Variants in KMT2D observed in about 807,000 individuals in gnomAD.
KMT2D encodes the protein histone-lysine N-methyltransferase 2D.
Under a neutral mutation model 512.7 loss-of-function variants are expected in KMT2D, and 55 were observed. That is an observed-to-expected ratio of 0.11 (90% CI 0.09 to 0.13). The LOEUF (loss-of-function observed/expected upper bound fraction) is 0.13, where lower values mean the gene tolerates loss of function less well. Among genes scored for constraint, KMT2D ranks in the 10% least tolerant of loss-of-function variants. The pLI is 1.00. For missense variants in KMT2D, 6,061 were observed against 7,127.9 expected (o/e 0.85, Z 5.39); for synonymous variants, 2,995 against 2,904.0 (o/e 1.03, Z -1.01).
Position 49,034,755 on chromosome 12 carries a change from A to G in KMT2D, c.10355+57T>C, listed in dbSNP as rs1240372696. ...GTGGGACAAGTAGGGAGGGGAGCCA[A>G]GAAGGGGTGTGACTGGGAAAGAAAA... On this transcript the variant is annotated intron_variant, in intron 36 of 54. Coordinates refer to ENST00000301067, the MANE Select transcript of KMT2D (RefSeq NM_003482.4). 3 of 1,607,426 alleles carry G rather than the reference A, an allele frequency of 1.9e-6. No homozygotes were observed. In the East Asian group the frequency reaches 6.7e-5, roughly 36 times the overall value.
rs779582329 is a variant in KMT2D at position 49,045,006 on chromosome 12, C to T, written c.4742-41G>A. 1.2e-5 allele frequency: 18 copies of T among 1,555,716 alleles called. No individual in the cohort carries two copies. The Admixed American group carries it at 2.9e-4, about 25-fold the overall frequency. ...GAGTATGTGATCCCTGGATGGAAGC[C>T]CCAGGGAAACCAGAACTGCAAGTTT... On this transcript the variant is annotated intron_variant, in intron 19 of 54. Transcript: ENST00000301067.
chr12:49,039,125 G>A lies in KMT2D; in HGVS notation c.8366+97C>T. 3 of 1,551,778 alleles carry A rather than the reference G, an allele frequency of 1.9e-6. No homozygotes were observed. The highest frequency in any genetic ancestry group is 8.8e-7 in the Non-Finnish European group (1 of 1,130,228). ...TGAGGAAGAAGAGAAAGTGATACTG[G>A]AAAAGGATTAGTGATACAGGAAAAT... On this transcript the variant is annotated intron_variant, in intron 34 of 54. Transcript: ENST00000301067. This position sits in a 1 kb window ranked among gnomAD's most constrained non-coding sequence, Gnocchi z 5.0.
Position 49,024,727 on chromosome 12 carries a change from C to G in KMT2D, c.15922-19G>C. Reference sequence around the variant, plus strand: ...CGGGCAGCTGTGGGCACAGTTCATACTCACCTTAGCCTGAGTTTTTTTGGG... The same window carrying G: ...CGGGCAGCTGTGGGCACAGTTCATAGTCACCTTAGCCTGAGTTTTTTTGGG... On this transcript the variant is annotated intron_variant, in intron 50 of 54. Transcript: ENST00000301067. This position sits in a 1 kb window ranked among gnomAD's most constrained non-coding sequence, Gnocchi z 4.5. 1 of 1,612,258 alleles carries G rather than the reference C, an allele frequency of 6.2e-7. No homozygotes were observed. The highest frequency in any genetic ancestry group is 8.5e-7 in the Non-Finnish European group (1 of 1,178,734).
chr12:49,043,544 AG>A (rs1243602617), intron 24 of KMT2D, 90 bp downstream of exon 24: 3 of 1,592,640 alleles, frequency 1.9e-6, no homozygotes, highest in Non-Finnish European at 2.6e-6. Flanking sequence ...TGACTCCTGG[AG>A]GCCAGTCCAT....
In KMT2D at chr12:49,053,648, G is replaced by C. The variant is rs1251026434; in HGVS notation, c.674-7C>G. On this transcript the variant is annotated splice_polypyrimidine_tract_variant and splice_region_variant and intron_variant, in intron 6 of 54. Transcript: ENST00000301067. ...ACTGCACAGCGAGCCTCCTCTGCAG[G>C]GGGTAGAGACACCACAGGTCAGCTA... 6.3e-6 allele frequency: 10 copies of C among 1,588,178 alleles called. No individual in the cohort carries two copies. Among genetic ancestry groups the C allele is most frequent in the Admixed American group, 5.3e-5 (3 of 56,084 alleles).
At chr12:49,027,724 G>A in intron 48 of KMT2D, 79 bp downstream of exon 48, 1 of 1,520,110 alleles carries the variant, frequency 6.6e-7, no homozygotes, top group Non-Finnish European at 8.9e-7. Flanking sequence ...AAAGCACTGG[G>A]ATTACAGATG....
rs2120588820 is a variant in KMT2D at position 49,044,866 on chromosome 12, C to G, written c.4841G>C (p.Arg1614Pro). 1 of 1,614,054 alleles carries G rather than the reference C, an allele frequency of 6.2e-7. No homozygotes were observed. The highest frequency in any genetic ancestry group is 1.3e-5 in the African/African-American group (1 of 75,072). The change falls in exon 20 of 55, where the codon CGG becomes CCG. Residue 1614 changes from arginine (R) to proline (P), a missense_variant. Arg to Pro is a moderately radical substitution (Grantham distance 103). Transcript: ENST00000301067. The surrounding 1 kb of genome is among the most constrained non-coding windows in gnomAD (Gnocchi z 6.4). The part of the protein sequence containing the change: ...TMSPLHKRRQ[R>P]RGRLGLPGEA... Reference sequence around the variant, plus strand: ...GCCTGGGAGGCCAAGCCGTCCTCGCCGTTGGCGCCGCTTGTGCAGTGGTGA... The same window carrying G: ...GCCTGGGAGGCCAAGCCGTCCTCGCGGTTGGCGCCGCTTGTGCAGTGGTGA...
intron 19 of KMT2D, among the ~76,000 whole-genome samples, chr12:49,045,619 G>A (rs1943748512): frequency 1.3e-5 from 2 of 150,466 alleles, no homozygotes; most frequent in African/African-American, 2.5e-5. Context: ...ACTCCAGCCT[G>A]GGCAACAGAG....
Position 49,031,999 on chromosome 12 carries a change from C to T in KMT2D, c.12706G>A (p.Ala4236Thr), listed in dbSNP as rs974171464. The T allele has an allele frequency of 6.2e-7, 1 of 1,601,036 alleles. No individual in the cohort carries two copies. The highest frequency in any genetic ancestry group is 1.7e-5 in the Admixed American group (1 of 59,426). Residue 4236 changes from alanine to threonine, a missense_variant, in exon 40 of 55, where the codon GCA (alanine) becomes ACA (threonine). Around this residue, in one of 16 missense-constraint regions of KMT2D, gnomAD observed 1,600 missense variants for 1,754.9 expected, o/e 0.91. Coordinates refer to ENST00000301067, the MANE Select transcript of KMT2D (RefSeq NM_003482.4). The part of the protein sequence containing the change: ...LMQRQLQQSQ[A>T]VRQTPPYQEP... ...TGGTAGGGTGGGGTCTGGCGTACTG[C>T]CTGACTCTGCTGCAGCTGCCGCTGC...
rs1379468341 is a variant in KMT2D at position 49,044,349 on chromosome 12, A to G, written c.5084-45T>C. 1 of 1,613,608 alleles carries G rather than the reference A, an allele frequency of 6.2e-7. No individual in the cohort carries two copies. The highest frequency in any genetic ancestry group is 1.1e-5 in the South Asian group (1 of 91,046). ...TGGATGAGAAGCCGCTGGGGGACCT[A>G]TTGAGCTGCCCCGCACCACCCCACC... is the stretch of plus-strand genomic sequence containing the variant. On this transcript the variant is annotated intron_variant, in intron 21 of 54. Coordinates refer to ENST00000301067, the MANE Select transcript of KMT2D (RefSeq NM_003482.4). The surrounding 1 kb of genome is among the most constrained non-coding windows in gnomAD (Gnocchi z 6.4).
Position 49,028,919 on chromosome 12 carries a change from T to G in KMT2D, c.14291A>C (p.Glu4764Ala). 6.2e-7 allele frequency: 1 copy of G among 1,614,024 alleles called. No individual in the cohort carries two copies. Residue 4764 changes from glutamate to alanine, a missense_variant, in exon 46 of 55, where the codon GAG becomes GCG. By Grantham distance (107) the Glu-to-Ala change is moderately radical. Coordinates refer to ENST00000301067, the MANE Select transcript of KMT2D (RefSeq NM_003482.4). ...DTKPYGALGLEVPGKLPVTTW... is the reference protein window; with the variant it reads ...DTKPYGALGLAVPGKLPVTTW... ...TGTGACAGGCAGCTTTCCAGGGACCTCCAGGCCAAGGGCCCCATAAGGTTT... is the reference window on the plus strand; with the variant it reads ...TGTGACAGGCAGCTTTCCAGGGACCGCCAGGCCAAGGGCCCCATAAGGTTT...
chr12:49,039,382 G>A lies in KMT2D; in HGVS notation c.8230-24C>T, dbSNP rs1417402311. The A allele has an allele frequency of 1.2e-6, 2 of 1,608,400 alleles. No homozygotes were observed. Among genetic ancestry groups the A allele is most frequent in the South Asian group, 1.1e-5 (1 of 90,644 alleles). On this transcript the variant is annotated intron_variant, in intron 33 of 54. Coordinates refer to ENST00000301067, the MANE Select transcript of KMT2D (RefSeq NM_003482.4). The surrounding 1 kb of genome is among the most constrained non-coding windows in gnomAD (Gnocchi z 5.0). ...TCCTAGAAGAGACAAGGTAGATGAA[G>A]GTGGAGCAACCTTCAATATCCTGGC... is the stretch of plus-strand genomic sequence containing the variant.
In KMT2D at chr12:49,046,247, G is replaced by C. The variant is rs1370217900; in HGVS notation, c.4583+13C>G. The C allele has an allele frequency of 6.2e-7, 1 of 1,613,916 alleles. No homozygotes were observed. The highest frequency in any genetic ancestry group is 8.5e-7 in the Non-Finnish European group (1 of 1,179,834). On this transcript the variant is annotated intron_variant, in intron 17 of 54. Transcript: ENST00000301067. The surrounding 1 kb of genome is among the most constrained non-coding windows in gnomAD (Gnocchi z 4.2). The stretch of plus-strand genomic sequence containing the variant: ...GCAACAGGGCCAAAGTGAGGAGAAA[G>C]GGATGTTCTCACCGTTCACAGTGGC...
In KMT2D at chr12:49,022,481, C is replaced by T. The variant is rs982103594; in HGVS notation, c.16338+109G>A. The T allele has an allele frequency of 6.6e-7, 1 of 1,513,440 alleles. No homozygotes were observed. Among genetic ancestry groups the T allele is most frequent in the Admixed American group, 1.7e-5 (1 of 57,942 alleles). The allele number at this position is 1,513,440 out of a possible 1,614,324, so 93.8% of individuals were successfully genotyped here. ...CATGTACTTCATTTCTCCTGCCTTT[C>T]CCTTCTCCCCACCACAGCTTTCCTC... On this transcript the variant is annotated intron_variant, in intron 52 of 54. Coordinates refer to ENST00000301067, the MANE Select transcript of KMT2D (RefSeq NM_003482.4). This position sits in a 1 kb window ranked among gnomAD's most constrained non-coding sequence, Gnocchi z 8.6.
In KMT2D at chr12:49,052,359, G is replaced by A. The variant is rs2120686025; in HGVS notation, c.1324C>T (p.Pro442Ser). ...GACAGGGGTGACTCCTCAGGTGGGG[G>A]CAGCAGTGGCATCTCCTCGTTTAGG... ...APLNEEMPLL[P>S]PPEESPLSPP... is the part of the protein sequence containing the mutation. The change falls in exon 11 of 55, where the codon CCC becomes TCC. Residue 442 changes from proline (P) to serine (S), a missense_variant. By Grantham distance (74) the Pro-to-Ser change is moderately conservative. Around this residue, in one of 16 missense-constraint regions of KMT2D, gnomAD observed 848 missense variants for 838.5 expected, o/e 1.01. Coordinates refer to ENST00000301067, the MANE Select transcript of KMT2D (RefSeq NM_003482.4). 1 of 1,546,252 alleles carries A rather than the reference G, an allele frequency of 6.5e-7. No individual in the cohort carries two copies. Among genetic ancestry groups the A allele is most frequent in the Non-Finnish European group, 8.7e-7 (1 of 1,145,742 alleles).
rs2120526202 is a variant in KMT2D, at chr12:49,040,294, C to T, written c.7476G>A (p.Gly2492=). The part of the protein sequence containing the change: ...GSLAHTSLGA[G]GFPAALPAGP... ...CCGCGGGCAGGGCTGCTGGGAACCC[C>T]CCAGCCCCCAGCGAAGTGTGGGCTA... The change falls in exon 32 of 55, where the codon GGG becomes GGA. Residue 2492 remains glycine (G), a synonymous_variant. Transcript: ENST00000301067. The T allele has an allele frequency of 1.9e-6, 3 of 1,596,816 alleles. No homozygotes were observed. Among genetic ancestry groups the T allele is most frequent in the Non-Finnish European group, 8.5e-7 (1 of 1,170,596 alleles).
chr12:49,050,834 C>A (rs2120657905), intron 11 of KMT2D, 44 bp from the exon 12 acceptor site: 2 of 1,570,674 alleles, frequency 1.3e-6, no homozygotes, highest in South Asian at 1.2e-5. Context: ...ATTAGATGTG[C>A]CATGAAGAGT....
rs1208491386 is a variant in KMT2D, at chr12:49,028,977, T to A, written c.14252-19A>T. The A allele has an allele frequency of 1.9e-6, 3 of 1,613,166 alleles. No homozygotes were observed. Among genetic ancestry groups the A allele is most frequent in the Admixed American group, 3.3e-5 (2 of 59,956 alleles). On this transcript the variant is annotated intron_variant, in intron 45 of 54. Transcript: ENST00000301067. ...GGGAAGACTGAATGAGAAAGAGGAA[T>A]TTGTGTAACACTTGGCCGCCTCTCC...
rs758861254 is a variant in KMT2D at position 49,051,671 on chromosome 12, A to G, written c.2012T>C (p.Leu671Ser). ...RLSPPPEESPLSPPPEESPTS... is the reference protein window; with the variant it reads ...RLSPPPEESPSSPPPEESPTS... Reference sequence around the variant, plus strand: ...GGGAGACTCCTCAGGCGGTGGGGACAAGGGAGATTCCTCAGGCGGTGGAGA... The same window carrying G: ...GGGAGACTCCTCAGGCGGTGGGGACGAGGGAGATTCCTCAGGCGGTGGAGA... Residue 671 changes from leucine (L) to serine (S), a missense_variant, in exon 11 of 55, where the codon TTG (leucine) becomes TCG (serine). Transcript: ENST00000301067. The G allele has an allele frequency of 8.4e-6, 13 of 1,552,440 alleles. No individual in the cohort carries two copies. The highest frequency in any genetic ancestry group is 1.4e-5 in the African/African-American group (1 of 71,898).
Sources: allele counts gnomAD v4.1 joint callset (sites outside exome capture counted in the v4.1 genomes callset), GRCh38; gene constraint gnomAD v4.1.1; regional missense constraint gnomAD v4.1.1; non-coding constraint Gnocchi (gnomAD v3.1); transcripts MANE v1.5; gene names NCBI Gene and HGNC (gene_info 2026-07-23, HGNC 2026-07-21).